NKAIN2: variants seen among roughly 807,000 people sequenced by gnomAD.
NKAIN2 encodes sodium/potassium-transporting ATPase subunit beta-1-interacting protein 2.
NKAIN2 carries 14 observed loss-of-function variants against 32.6 expected under a neutral mutation model. That is an observed-to-expected ratio of 0.43 (90% CI 0.28 to 0.67). The LOEUF (loss-of-function observed/expected upper bound fraction) is 0.67. Ranked by LOEUF, NKAIN2 falls within the 30% of genes least tolerant of loss-of-function variation. The probability of loss-of-function intolerance (pLI) is 0.17; values close to 1 mark genes in which losing one functional copy is unlikely to be tolerated. For missense variants in NKAIN2, 198 were observed against 258.3 expected, an observed-to-expected ratio of 0.77 and a Z score of 1.60; for synonymous variants, 80 against 87.2, an observed-to-expected ratio of 0.92 and a Z score of 0.46.
At chr6:124,551,828 G>T (rs1489675518) in intron 3 of NKAIN2, among the ~76,000 whole-genome samples, 1 of 152,164 alleles carries the variant, frequency 6.6e-6, no homozygotes, top group Non-Finnish European at 1.5e-5. Flanking sequence ...GCAGGGATGT[G>T]GTTTAATTTT....
chr6:123,905,278 G>A (rs1774809146), intron 1 of NKAIN2, among the ~76,000 whole-genome samples: 1 of 152,022 alleles, frequency 6.6e-6, no homozygotes, highest in African/African-American at 2.4e-5. Context: ...CTTTGGGGTT[G>A]ACATAGAGGG....
chr6:124,355,070 T>TAAAA (rs55912345), intron 2 of NKAIN2, among the ~76,000 whole-genome samples, 197 bp from the exon 3 acceptor site: 26 of 136,850 alleles, frequency 1.9e-4, no homozygotes, highest in Non-Finnish European at 2.8e-4. Flanking sequence ...ACTTTGTCAT[T>TAAAA]AAAAAAAAAA....
intron 1 of NKAIN2, among the ~76,000 whole-genome samples, chr6:124,097,273 G>A (rs563996963): frequency 6.6e-6 from 1 of 152,002 alleles, no homozygotes; most frequent in East Asian, 2.0e-4. Flanking sequence ...GGTGGCGGGC[G>A]CCTGTAGTCC....
At chr6:124,026,930 C>G (rs1390817952) in intron 1 of NKAIN2, among the ~76,000 whole-genome samples, 4 of 152,120 alleles carry the variant, frequency 2.6e-5, no homozygotes, top group African/African-American at 9.7e-5. Flanking sequence ...TCCACTGAAG[C>G]TGTGCTGAGA....
At chr6:124,262,398 C>G (rs1014046498) in intron 1 of NKAIN2, among the ~76,000 whole-genome samples, 8 of 152,114 alleles carry the variant, frequency 5.3e-5, no homozygotes, top group Admixed American at 2.0e-4. Context: ...CTACTCATCT[C>G]TCTTGAAATT....
At position 124,459,449 on chromosome 6, in the gene NKAIN2, C is replaced by A. The variant is rs575600973; in HGVS notation, c.273+104102C>A. Reference sequence around the variant, plus strand: ...CTGGAAAAAAATTATGGATAAGTGTCATGTTAAAATCTTGTTCTGTCATGA... The same window carrying A: ...CTGGAAAAAAATTATGGATAAGTGTAATGTTAAAATCTTGTTCTGTCATGA... On this transcript the variant is annotated intron_variant, in intron 3 of 6. Coordinates refer to ENST00000368417, the MANE Select transcript of NKAIN2 (RefSeq NM_001040214.3). 2.0e-5 allele frequency among the ~76,000 whole-genome samples: 3 copies of A among 151,922 alleles called. No homozygotes were observed. In the East Asian group the frequency reaches 5.8e-4, roughly 29 times the overall value.
At chr6:124,253,191 CAGTGTGGA>C (rs1165125473) in intron 1 of NKAIN2, among the ~76,000 whole-genome samples, 19 of 152,104 alleles carry the variant, frequency 1.2e-4, no homozygotes, top group Non-Finnish European at 1.8e-4. Flanking sequence ...TTATAAATTT[CAGTGTGGA>C]AGCCTTGCAC....
At chr6:124,039,303 A>C (rs1490673212) in intron 1 of NKAIN2, among the ~76,000 whole-genome samples, 3 of 152,004 alleles carry the variant, frequency 2.0e-5, no homozygotes, top group East Asian at 3.9e-4. Flanking sequence ...AGCCCTCAGC[A>C]ATCCTCTTTT....
chr6:124,653,187 G>A (rs189170262), intron 3 of NKAIN2, among the ~76,000 whole-genome samples: 2 of 152,002 alleles, frequency 1.3e-5, no homozygotes, highest in East Asian at 3.9e-4. Context: ...CAGAATAGAC[G>A]AAACTATATT....
At chr6:124,023,741 C>A (rs1780978317) in intron 1 of NKAIN2, among the ~76,000 whole-genome samples, 1 of 152,040 alleles carries the variant, frequency 6.6e-6, no homozygotes, top group South Asian at 2.1e-4. Flanking sequence ...TTTTGCCAAG[C>A]ACTGTGTTTT....
chr6:123,968,580 G>A (rs1778196916), intron 1 of NKAIN2, among the ~76,000 whole-genome samples: 2 of 152,124 alleles, frequency 1.3e-5, no homozygotes, highest in African/African-American at 4.8e-5. Context: ...ATTTCTGCCT[G>A]TACAATGGGA....
intron 1 of NKAIN2, among the ~76,000 whole-genome samples, chr6:123,966,105 C>T (rs144998304): frequency 6.8e-4 from 104 of 152,240 alleles, no homozygotes; most frequent in African/African-American, 2.1e-3. Context: ...GGCATGATTC[C>T]GCCTGCTGTT....
At chr6:124,083,451 T>C (rs1784062255) in intron 1 of NKAIN2, among the ~76,000 whole-genome samples, 1 of 151,940 alleles carries the variant, frequency 6.6e-6, no homozygotes, top group South Asian at 2.1e-4. Context: ...TTTCTTTTGT[T>C]GCAGGATAAT....
intron 1 of NKAIN2, among the ~76,000 whole-genome samples, chr6:124,273,283 C>T (rs1794883058): frequency 7.0e-6 from 1 of 143,854 alleles, no homozygotes; most frequent in Admixed American, 7.2e-5. Context: ...GCAGTTTCCC[C>T]CATGCTGTTC....
intron 1 of NKAIN2, among the ~76,000 whole-genome samples, chr6:124,055,223 C>A (rs182338566): frequency 3.3e-5 from 5 of 152,026 alleles, no homozygotes; most frequent in African/African-American, 1.2e-4. Flanking sequence ...ATAAATACCA[C>A]TGCATTTAGT....
Position 124,815,225 on chromosome 6 carries a change from C to CATATATATATATAT in NKAIN2, c.536-3159_536-3146dup, listed in dbSNP as rs56841213. Among the ~76,000 whole-genome samples the CATATATATATATAT allele has an allele frequency of 8.9e-3, 1,224 of 136,936 alleles. 10 individuals are homozygous for CATATATATATATAT. The highest frequency in any genetic ancestry group is 0.03 in the East Asian group (143 of 4,810). The allele number at this position is 136,936 out of a possible 152,430, so 89.8% of individuals were successfully genotyped here. On this transcript the variant is annotated intron_variant, in intron 5 of 6. Coordinates refer to ENST00000368417, the MANE Select transcript of NKAIN2 (RefSeq NM_001040214.3). ...TCCCCAGTCTTAAACTATATATATA[C>CATATATATATATAT]ATATATATATATATATGTATATATG...
intron 1 of NKAIN2, among the ~76,000 whole-genome samples, chr6:123,947,163 T>G (rs1777101110): frequency 6.6e-6 from 1 of 152,202 alleles, no homozygotes; most frequent in Non-Finnish European, 1.5e-5. Context: ...GATAAATGGC[T>G]GCATAATGCA....
intron 3 of NKAIN2, among the ~76,000 whole-genome samples, chr6:124,363,518 C>G (rs1431445220): frequency 6.6e-6 from 1 of 152,098 alleles, no homozygotes; most frequent in Non-Finnish European, 1.5e-5. Context: ...AAATTCTGTA[C>G]CAGGCTAAAA....
At chr6:124,279,323 C>T (rs548586341) in intron 1 of NKAIN2, among the ~76,000 whole-genome samples, 41 of 151,966 alleles carry the variant, frequency 2.7e-4, no homozygotes, top group Middle Eastern at 3.4e-3. Context: ...CTGGCTAACA[C>T]GGTGAAACCC....
Sources: gnomAD v4.1 joint callset for allele counts (sites outside exome capture counted in the v4.1 genomes callset) on GRCh38, gnomAD v4.1.1 for gene constraint, MANE v1.5 for transcripts, NCBI Gene and HGNC (gene_info 2026-07-23, HGNC 2026-07-21) for gene names.